SOX5: variants seen among roughly 807,000 people sequenced by gnomAD.
SOX5 encodes the protein transcription factor SOX-5.
Under a neutral mutation model 92.0 loss-of-function variants are expected in SOX5, and 9 were observed. That is an observed-to-expected ratio of 0.10 (90% CI 0.06 to 0.17). SOX5 has a LOEUF of 0.17. Among genes scored for constraint, SOX5 ranks in the 10% least tolerant of loss-of-function variants. The pLI is 1.00. For missense variants in SOX5, 642 were observed against 944.5 expected (o/e 0.68, Z 4.20); for synonymous variants, 344 against 336.3 (o/e 1.02, Z -0.25).
intron 4 of SOX5, among the ~76,000 whole-genome samples, chr12:24,192,400 A>G (rs1841744834): frequency 6.8e-6 from 1 of 148,018 alleles, no homozygotes; most frequent in Non-Finnish European, 1.5e-5. Flanking sequence ...ATATAATAGG[A>G]TAACTACTTG....
At chr12:23,838,531 AC>A (rs1194962967) in intron 3 of SOX5, among the ~76,000 whole-genome samples, 6 of 151,964 alleles carry the variant, frequency 3.9e-5, no homozygotes, top group Non-Finnish European at 5.9e-5. Context: ...TGAAACTAAC[AC>A]TTTTAGATGC....
chr12:24,474,185 T>C (rs1318305754), intron 1 of SOX5, among the ~76,000 whole-genome samples: 1 of 152,194 alleles, frequency 6.6e-6, no homozygotes, highest in African/African-American at 2.4e-5. Context: ...AATAAAACAA[T>C]GAGATTTTAT....
chr12:24,077,976 C>A (rs1267192856), intron 4 of SOX5, among the ~76,000 whole-genome samples: 1 of 151,280 alleles, frequency 6.6e-6, no homozygotes, highest in Non-Finnish European at 1.5e-5. Flanking sequence ...AGAACTGCAA[C>A]CTGTATTTCC....
intron 4 of SOX5, among the ~76,000 whole-genome samples, chr12:24,156,456 A>G (rs1337738837): frequency 6.6e-6 from 1 of 152,136 alleles, no homozygotes; most frequent in African/African-American, 2.4e-5. Context: ...TTGGAAAGCA[A>G]GACTTGTTAC....
At chr12:24,109,255 A>G (rs1947044924) in intron 4 of SOX5, among the ~76,000 whole-genome samples, 1 of 152,178 alleles carries the variant, frequency 6.6e-6, no homozygotes, top group Admixed American at 6.5e-5. Flanking sequence ...GATCAGATAT[A>G]TAGTAGCATC....
chr12:24,540,833 A>T (rs1184747423), intron 1 of SOX5, among the ~76,000 whole-genome samples: 1 of 152,194 alleles, frequency 6.6e-6, no homozygotes, highest in Non-Finnish European at 1.5e-5. Context: ...TGTACTTTGC[A>T]ATCATACCCT....
At chr12:23,966,660 C>A (rs1947622681) in intron 4 of SOX5, among the ~76,000 whole-genome samples, 1 of 152,078 alleles carries the variant, frequency 6.6e-6, no homozygotes, top group Non-Finnish European at 1.5e-5. Flanking sequence ...TGTCTAAGAA[C>A]CTAGGTTCAA....
intron 3 of SOX5, among the ~76,000 whole-genome samples, chr12:23,838,870 C>T (rs1489667984): frequency 1.5e-5 from 2 of 137,506 alleles, no homozygotes; most frequent in Admixed American, 7.6e-5. Context: ...GATGGAGTCT[C>T]GCTTTGTCAC....
intron 4 of SOX5, among the ~76,000 whole-genome samples, chr12:24,130,398 A>T (rs778990921): frequency 1.3e-5 from 2 of 152,240 alleles, no homozygotes; most frequent in African/African-American, 4.8e-5. Flanking sequence ...GCTTATAGGT[A>T]TAAGAAAGAG....
At chr12:24,193,440 A>G (rs1594122786) in intron 4 of SOX5, among the ~76,000 whole-genome samples, 1 of 152,238 alleles carries the variant, frequency 6.6e-6, no homozygotes, top group East Asian at 1.9e-4. Context: ...AAATTGACAG[A>G]AACATTTGCT....
chr12:23,905,958 G>A (rs997673336), intron 1 of SOX5, among the ~76,000 whole-genome samples: 15 of 152,110 alleles, frequency 9.9e-5, no homozygotes, highest in African/African-American at 3.6e-4. Context: ...TTTGGTCACA[G>A]AGTCTCTCTA....
intron 4 of SOX5, among the ~76,000 whole-genome samples, chr12:24,093,779 C>T (rs528448322): frequency 2.7e-5 from 4 of 150,390 alleles, no homozygotes; most frequent in Non-Finnish European, 5.9e-5. Flanking sequence ...ATAGTATGTG[C>T]TATTTAACTT....
chr12:24,205,931 C>T (rs3922562), intron 4 of SOX5, among the ~76,000 whole-genome samples: 31,260 of 152,130 alleles, frequency 0.21, 3,735 homozygotes, highest in East Asian at 0.49. Context: ...TGCCCTCCTG[C>T]TCTAATCTGT....
chr12:24,286,952 G>T (rs1319081547), intron 2 of SOX5, among the ~76,000 whole-genome samples: 1 of 152,152 alleles, frequency 6.6e-6, no homozygotes, highest in Non-Finnish European at 1.5e-5. Flanking sequence ...AAAGGTAAAA[G>T]ATCAAACAGA....
chr12:23,599,680 G>A (rs1300948138), intron 9 of SOX5, among the ~76,000 whole-genome samples: 1 of 152,164 alleles, frequency 6.6e-6, no homozygotes, highest in Non-Finnish European at 1.5e-5. Flanking sequence ...CTTACAATGT[G>A]AAGTTTGGAT....
At chr12:24,192,891 CAT>C (rs1199362815) in intron 4 of SOX5, among the ~76,000 whole-genome samples, 1 of 152,146 alleles carries the variant, frequency 6.6e-6, no homozygotes, top group Non-Finnish European at 1.5e-5. Flanking sequence ...TATCTGCCAC[CAT>C]ATCTGTTGCT....
intron 1 of SOX5, among the ~76,000 whole-genome samples, chr12:24,483,093 A>G (rs1349936815): frequency 6.6e-6 from 1 of 152,228 alleles, no homozygotes; most frequent in African/African-American, 2.4e-5. Flanking sequence ...TCCTTGTGAA[A>G]TGACACTTAT....
chr12:23,738,732 T>C (rs1338158769), intron 5 of SOX5, among the ~76,000 whole-genome samples: 8 of 152,174 alleles, frequency 5.3e-5, no homozygotes, highest in African/African-American at 1.9e-4. Context: ...ATAGGGGTTA[T>C]CTACAAAAAA....
intron 4 of SOX5, among the ~76,000 whole-genome samples, chr12:23,754,235 C>T (rs1032032005): frequency 5.9e-5 from 9 of 151,722 alleles, no homozygotes; most frequent in Admixed American, 2.0e-4. Flanking sequence ...GTTTGTCCTC[C>T]ATTGGAATGA....
Sources: allele counts gnomAD v4.1 joint callset (sites outside exome capture counted in the v4.1 genomes callset), GRCh38; gene constraint gnomAD v4.1.1; transcripts MANE v1.5; gene names NCBI Gene and HGNC (gene_info 2026-07-23, HGNC 2026-07-21).